Variants in C8B observed in about 807,000 individuals in gnomAD.
The protein encoded by C8B is complement component C8 beta chain.
Under a neutral mutation model 64.6 loss-of-function variants are expected in C8B, and 67 were observed. The ratio of observed to expected loss-of-function variants is 1.04; its 90% CI spans 0.85 to 1.27. The LOEUF (loss-of-function observed/expected upper bound fraction) is 1.27, where lower values mean the gene tolerates loss of function less well. Among genes scored for constraint, C8B ranks in the 50% most tolerant of loss-of-function variants. The pLI is 0.00. For synonymous variants in C8B, 284 were observed against 257.7 expected (o/e 1.10, Z -0.98); for missense variants, 790 against 725.2 (o/e 1.09, Z -1.03).
At chr1:56,946,983 CT>C (rs1402877286) in intron 6 of C8B, among the ~76,000 whole-genome samples, 3 of 152,208 alleles carry the variant, frequency 2.0e-5, no homozygotes, top group Non-Finnish European at 4.4e-5. Context: ...ACCTATGACC[CT>C]CTTCCTTCTC....
At position 56,929,576 on chromosome 1, in the gene C8B, A is replaced by G; in HGVS notation, c.1622-18T>C. On this transcript the variant is annotated intron_variant, in intron 11 of 11. Transcript: ENST00000371237. ...GGGGGTATCTATAAGAAAGAAGGTC[A>G]ATAAGCATCAATCAGCACTTCTTAT... The G allele has an allele frequency of 6.2e-7, 1 of 1,611,286 alleles. No individual in the cohort carries two copies. The highest frequency in any genetic ancestry group is 8.5e-7 in the Non-Finnish European group (1 of 1,177,538).
chr1:56,935,840 G>A (rs1192549654), intron 9 of C8B, among the ~76,000 whole-genome samples: 1 of 152,172 alleles, frequency 6.6e-6, no homozygotes, highest in Non-Finnish European at 1.5e-5. Flanking sequence ...TGGGCAGGTA[G>A]ATGGACCTAT....
In C8B at chr1:56,952,432, C is replaced by G. The variant is rs186520395; in HGVS notation, c.534-252G>C. Among the ~76,000 whole-genome samples, 59 of 152,276 alleles carry G rather than the reference C, an allele frequency of 3.9e-4. No individual in the cohort carries two copies. In the East Asian group the frequency reaches 9.9e-3, roughly 26 times the overall value. On this transcript the variant is annotated intron_variant, in intron 4 of 11. Transcript: ENST00000371237. The stretch of plus-strand genomic sequence containing the variant: ...AGCTCCTTCTGTGGTAGGTACTGTT[C>G]CCTGCGCCCAGAATGCCCTTCCACC...
intron 10 of C8B, 108 bp downstream of exon 10, chr1:56,933,227 T>G: frequency 1.1e-6 from 1 of 934,428 alleles, no homozygotes; most frequent in South Asian, 1.3e-5. Context: ...TATCTCCCAG[T>G]GGACTAAATT....
At chr1:56,931,020 A>C (rs553539970) in intron 11 of C8B, among the ~76,000 whole-genome samples, 59 of 152,344 alleles carry the variant, frequency 3.9e-4, no homozygotes, top group African/African-American at 1.4e-3. Flanking sequence ...ATTTCAATCC[A>C]AGCTGAGTTT....
At chr1:56,960,422 T>G (rs1373412209) in intron 1 of C8B, among the ~76,000 whole-genome samples, 1 of 152,200 alleles carries the variant, frequency 6.6e-6, no homozygotes, top group African/African-American at 2.4e-5. Flanking sequence ...ATCCAACAAA[T>G]ATTTATTGAA....
intron 11 of C8B, chr1:56,931,575 C>T (rs765141522): frequency 2.3e-4 from 105 of 463,130 alleles, no homozygotes; most frequent in Non-Finnish European, 3.8e-4. Flanking sequence ...ACAAAAGCCA[C>T]GCATTGATAT....
intron 1 of C8B, among the ~76,000 whole-genome samples, chr1:56,960,781 T>C (rs668555): frequency 0.28 from 43,231 of 152,124 alleles, 6,574 homozygotes; most frequent in South Asian, 0.49. Flanking sequence ...AAGTGGATGC[T>C]GTTTTCCCAT....
Position 56,929,371 on chromosome 1 carries a change from C to A in C8B, c.*33G>T. 1 of 1,610,460 alleles carries A rather than the reference C, an allele frequency of 6.2e-7. No individual in the cohort carries two copies. The highest frequency in any genetic ancestry group is 8.5e-7 in the Non-Finnish European group (1 of 1,178,490). ...CATGAGTTCTTGAGGGCTCAGGGCT[C>A]TCATTGTATGTAGCCCACTGCTGTA... On this transcript the variant is annotated 3_prime_UTR_variant, in exon 12 of 12. Transcript: ENST00000371237.
chr1:56,941,355 C>T (rs1233270273), intron 8 of C8B, among the ~76,000 whole-genome samples: 1 of 151,878 alleles, frequency 6.6e-6, no homozygotes, highest in African/African-American at 2.4e-5. Context: ...AGATAATAGA[C>T]TGGTAAATAG....
chr1:56,942,483 C>T (rs1644877694), intron 8 of C8B, among the ~76,000 whole-genome samples: 1 of 152,088 alleles, frequency 6.6e-6, no homozygotes, highest in Non-Finnish European at 1.5e-5. Flanking sequence ...GAGTGGATCA[C>T]TTGAGGTCAG....
chr1:56,944,163 C>G (rs566820660), intron 7 of C8B, among the ~76,000 whole-genome samples: 3 of 152,174 alleles, frequency 2.0e-5, no homozygotes, highest in African/African-American at 7.2e-5. Context: ...GTGACTGTTA[C>G]AATCTGCCTG....
chr1:56,965,372 G>A (rs1002616888), intron 1 of C8B, among the ~76,000 whole-genome samples: 1 of 137,828 alleles, frequency 7.3e-6, no homozygotes, highest in South Asian at 2.6e-4. Context: ...GGAACCTTGT[G>A]GGGGGTGAGA....
chr1:56,960,596 T>C (rs1645165543), intron 1 of C8B, among the ~76,000 whole-genome samples: 1 of 151,996 alleles, frequency 6.6e-6, no homozygotes, highest in Admixed American at 6.6e-5. Context: ...AGCCTGGTAG[T>C]AGGGAAACAA....
At chr1:56,935,681 C>T (rs1287806751) in intron 9 of C8B, among the ~76,000 whole-genome samples, 1 of 152,142 alleles carries the variant, frequency 6.6e-6, no homozygotes, top group Non-Finnish European at 1.5e-5. Context: ...CTTATGAGTT[C>T]GTTAGTCTTT....
chr1:56,958,775 G>A (rs974292597), intron 2 of C8B, among the ~76,000 whole-genome samples: 1 of 152,156 alleles, frequency 6.6e-6, no homozygotes, highest in Non-Finnish European at 1.5e-5. Flanking sequence ...GATACCTTCA[G>A]CAATAAAACC....
In C8B at chr1:56,948,258, CTATT is replaced by C. The variant is rs201871823; in HGVS notation, c.864+1293_864+1296del. 4.7e-3 allele frequency among the ~76,000 whole-genome samples: 717 copies of C among 152,186 alleles called. 4 individuals carry two copies. The highest frequency in any genetic ancestry group is 0.016 in the African/African-American group (673 of 41,512). ...TTGAAGGGGAAAGCTAGGAGACAAACTATTTAGTTGGGCACAGTAAGAGATGAAA... is the reference window on the plus strand; with the variant it reads ...TTGAAGGGGAAAGCTAGGAGACAAACTAGTTGGGCACAGTAAGAGATGAAA... On this transcript the variant is annotated intron_variant, in intron 6 of 11. Transcript: ENST00000371237.
chr1:56,941,590 T>G (rs1391577325), intron 8 of C8B, among the ~76,000 whole-genome samples: 1 of 152,010 alleles, frequency 6.6e-6, no homozygotes, highest in Non-Finnish European at 1.5e-5. Context: ...GATGGATAGA[T>G]AGAGAGAGAG....
chr1:56,936,111 C>T (rs140457202), intron 9 of C8B, among the ~76,000 whole-genome samples: 2 of 152,206 alleles, frequency 1.3e-5, no homozygotes, highest in Non-Finnish European at 2.9e-5. Flanking sequence ...CAAACTAAGA[C>T]ATGCCTTTAC....
Sources: gnomAD v4.1 joint callset for allele counts (sites outside exome capture counted in the v4.1 genomes callset) on GRCh38, gnomAD v4.1.1 for gene constraint, MANE v1.5 for transcripts, NCBI Gene and HGNC (gene_info 2026-07-23, HGNC 2026-07-21) for gene names.